The following ALK variants were observed in gnomAD, a reference collection of about 807,000 sequenced individuals.
ALK encodes the protein ALK receptor tyrosine kinase, also known as ALK tyrosine kinase receptor.
ALK carries 74 observed loss-of-function variants against 163.1 expected under a neutral mutation model. The observed-to-expected ratio is 0.45, with a 90% CI of 0.38 to 0.55. The LOEUF is 0.55. Ranked by LOEUF, ALK falls within the 20% of genes least tolerant of loss-of-function variation. The probability of loss-of-function intolerance (pLI) is 0.00; values close to 1 mark genes in which losing one functional copy is unlikely to be tolerated. For missense variants in ALK, 2,063 were observed against 2,105.3 expected (o/e 0.98, Z 0.39); for synonymous variants, 960 against 843.2 (o/e 1.14, Z -2.40).
At chr2:29,214,812 T>G (rs1324217114) in intron 23 of ALK, among the ~76,000 whole-genome samples, 1 of 152,192 alleles carries the variant, frequency 6.6e-6, no homozygotes, top group Non-Finnish European at 1.5e-5. Flanking sequence ...GTGCGGCAGC[T>G]CAGCTTCATG....
At chr2:29,372,896 G>C (rs1398007104) in intron 5 of ALK, among the ~76,000 whole-genome samples, 1 of 152,194 alleles carries the variant, frequency 6.6e-6, no homozygotes, top group Non-Finnish European at 1.5e-5. Context: ...GATGGTGTGG[G>C]ACAGGTGGTG....
At chr2:29,687,310 C>T (rs746521915) in intron 3 of ALK, among the ~76,000 whole-genome samples, 1 of 151,870 alleles carries the variant, frequency 6.6e-6, no homozygotes, top group African/African-American at 2.4e-5. Context: ...GGGTGGGGTG[C>T]TCTGGACTTG....
At position 29,193,359 on chromosome 2, in the gene ALK, G is replaced by A. The variant is rs1420285868; in HGVS notation, c.4728C>T (p.His1576=). The change falls in exon 29 of 29, where the codon CAC becomes CAT. Residue 1576 remains histidine (H), a synonymous_variant. Transcript: ENST00000389048. ...MKEVPLFRLR[H]FPCGNVNYGY... The stretch of plus-strand genomic sequence containing the variant: ...CGTAATTGACATTCCCACAAGGGAA[G>A]TGACGTAGCCTGAACAGAGGTACCT... 5 of 1,614,220 alleles carry A rather than the reference G, an allele frequency of 3.1e-6. No individual in the cohort carries two copies. The highest frequency in any genetic ancestry group is 3.4e-6 in the Non-Finnish European group (4 of 1,180,028).
At chr2:29,330,076 A>G (rs1355094659) in intron 5 of ALK, among the ~76,000 whole-genome samples, 4 of 152,170 alleles carry the variant, frequency 2.6e-5, no homozygotes, top group Non-Finnish European at 5.9e-5. Flanking sequence ...ACGGCCACCC[A>G]GCATTGTCCA....
chr2:29,727,953 C>T (rs112950120), intron 1 of ALK, among the ~76,000 whole-genome samples: 401 of 152,202 alleles, frequency 2.6e-3, no homozygotes, highest in South Asian at 0.015. Context: ...ATGCTTCACT[C>T]GAAGTCATCT....
At chr2:29,530,296 A>G (rs923446986) in intron 4 of ALK, among the ~76,000 whole-genome samples, 1 of 152,232 alleles carries the variant, frequency 6.6e-6, no homozygotes, top group Admixed American at 6.5e-5. Flanking sequence ...CCCTATGGCC[A>G]GTCATACCCG....
intron 3 of ALK, among the ~76,000 whole-genome samples, chr2:29,649,125 A>G (rs4666265): frequency 0.79 from 120,332 of 151,892 alleles, 48,246 homozygotes; most frequent in African/African-American, 0.92. Flanking sequence ...TAATTATATG[A>G]TATTGTGTAT....
chr2:29,749,241 T>C (rs1478595458), intron 1 of ALK, among the ~76,000 whole-genome samples: 4 of 152,210 alleles, frequency 2.6e-5, no homozygotes, highest in Non-Finnish European at 5.9e-5. Context: ...TTCACATTGC[T>C]AACCAGTTTT....
intron 5 of ALK, among the ~76,000 whole-genome samples, chr2:29,375,078 G>A (rs1478628190): frequency 1.3e-5 from 2 of 152,158 alleles, no homozygotes; most frequent in African/African-American, 4.8e-5. Context: ...AAGCTCTGCA[G>A]GAGGCCTCAG....
intron 4 of ALK, among the ~76,000 whole-genome samples, chr2:29,415,468 A>G (rs1175452183): frequency 6.6e-6 from 1 of 152,122 alleles, no homozygotes; most frequent in Non-Finnish European, 1.5e-5. Context: ...GCTCTCCTTA[A>G]GAACTCTTTC....
intron 4 of ALK, among the ~76,000 whole-genome samples, chr2:29,474,233 A>G (rs1265156476): frequency 6.6e-6 from 1 of 152,242 alleles, no homozygotes; most frequent in African/African-American, 2.4e-5. Context: ...GACACAAAAT[A>G]GTTAATACTA....
chr2:29,730,685 A>T (rs1679716901), intron 1 of ALK, among the ~76,000 whole-genome samples: 1 of 152,220 alleles, frequency 6.6e-6, no homozygotes. Flanking sequence ...ACACAGAGAA[A>T]ATAATATTTA....
chr2:29,467,786 C>A lies in ALK; in HGVS notation c.1154+64129G>T, dbSNP rs572920286. On this transcript the variant is annotated intron_variant, in intron 4 of 28. Coordinates refer to ENST00000389048, the MANE Select transcript of ALK (RefSeq NM_004304.5). ...TTTCCAGAGGCTACCTGACTTCTATCAAGTTAGACATTAGAGAGATTTGCA... is the reference window on the plus strand; with the variant it reads ...TTTCCAGAGGCTACCTGACTTCTATAAAGTTAGACATTAGAGAGATTTGCA... Among the ~76,000 whole-genome samples, 422 of 152,328 alleles carry A rather than the reference C, an allele frequency of 2.8e-3. 2 individuals are homozygous for A. Among genetic ancestry groups the A allele is most frequent in the African/African-American group, 9.0e-3 (376 of 41,574 alleles).
At chr2:29,599,901 C>G (rs913446198) in intron 3 of ALK, among the ~76,000 whole-genome samples, 2 of 152,182 alleles carry the variant, frequency 1.3e-5, no homozygotes, top group African/African-American at 4.8e-5. Context: ...GGGGCTGGGT[C>G]ACCATGCTCA....
chr2:29,468,758 G>A (rs1409925569), intron 4 of ALK, among the ~76,000 whole-genome samples: 2 of 150,742 alleles, frequency 1.3e-5, no homozygotes, highest in African/African-American at 4.9e-5. Flanking sequence ...GGAGGCTGAG[G>A]TGGGAGGCTG....
intron 1 of ALK, among the ~76,000 whole-genome samples, chr2:29,862,850 C>T (rs1666329680): frequency 6.7e-6 from 1 of 150,282 alleles, no homozygotes; most frequent in African/African-American, 2.4e-5. Context: ...GGGCATCACA[C>T]TACCTGATTT....
chr2:29,284,237 A>C (rs532156341), intron 9 of ALK, among the ~76,000 whole-genome samples: 1 of 152,234 alleles, frequency 6.6e-6, no homozygotes, highest in African/African-American at 2.4e-5. Flanking sequence ...CAGGTGTGGA[A>C]CCCAGGTGGA....
intron 4 of ALK, among the ~76,000 whole-genome samples, chr2:29,496,124 T>A (rs914721148): frequency 9.2e-5 from 14 of 152,184 alleles, no homozygotes; most frequent in African/African-American, 3.4e-4. Flanking sequence ...AAATAACTTA[T>A]CTGAGGTATT....
chr2:29,703,353 T>C (rs2148296317), intron 2 of ALK, among the ~76,000 whole-genome samples: 1 of 152,340 alleles, frequency 6.6e-6, no homozygotes, highest in South Asian at 2.1e-4. Context: ...TGGCCATATG[T>C]CTTATTCATC....
Sources: gnomAD v4.1 joint callset for allele counts (sites outside exome capture counted in the v4.1 genomes callset) on GRCh38, gnomAD v4.1.1 for gene constraint, MANE v1.5 for transcripts, NCBI Gene and HGNC (gene_info 2026-07-23, HGNC 2026-07-21) for gene names.